Variants in IBTK observed in about 807,000 individuals in gnomAD.
The protein encoded by IBTK is BTK-binding protein.
IBTK carries 83 observed loss-of-function variants against 154.9 expected under a neutral mutation model. The ratio of observed to expected loss-of-function variants is 0.54; its 90% CI spans 0.45 to 0.64. The LOEUF is 0.64. Among genes scored for constraint, IBTK ranks in the 30% least tolerant of loss-of-function variants. The pLI, the probability that IBTK is intolerant of heterozygous loss-of-function variation, is 0.00. For missense variants in IBTK, 1,332 were observed against 1,584.6 expected, an observed-to-expected ratio of 0.84 and a Z score of 2.71; for synonymous variants, 515 against 536.1, an observed-to-expected ratio of 0.96 and a Z score of 0.54.
At chr6:82,247,061 C>CAA (rs759957489) in intron 1 of IBTK, among the ~76,000 whole-genome samples, 1 of 104,664 alleles carries the variant, frequency 9.6e-6, no homozygotes, top group Admixed American at 1.1e-4. Flanking sequence ...TCTCTCTCAA[C>CAA]CCTCCACCCT....
chr6:82,219,016 T>C (rs1353183118), intron 9 of IBTK, among the ~76,000 whole-genome samples: 3 of 152,168 alleles, frequency 2.0e-5, no homozygotes, highest in African/African-American at 7.2e-5. Context: ...TCAATGTAAG[T>C]GATACACATC....
At position 82,171,564 on chromosome 6, in the gene IBTK, G is replaced by A; in HGVS notation, c.3931-8C>T. ...TATGGCATGCTCCTCAATCTGAAAG[G>A]AGGAAGGGAAAGAAGACTCTTTACT... On this transcript the variant is annotated splice_region_variant and splice_polypyrimidine_tract_variant and intron_variant, in intron 28 of 28. Coordinates refer to ENST00000306270, the MANE Select transcript of IBTK (RefSeq NM_015525.4). The A allele has an allele frequency of 1.9e-6, 3 of 1,581,602 alleles. No homozygotes were observed. The highest frequency in any genetic ancestry group is 2.6e-6 in the Non-Finnish European group (3 of 1,161,164).
At chr6:82,237,616 A>ATAG (rs1280178973) in intron 2 of IBTK, among the ~76,000 whole-genome samples, 3 of 149,094 alleles carry the variant, frequency 2.0e-5, no homozygotes, top group African/African-American at 7.4e-5. Context: ...GTACTAGAAG[A>ATAG]TAGTAGTAGT....
chr6:82,245,001 T>G (rs1771091433), intron 1 of IBTK, among the ~76,000 whole-genome samples: 1 of 152,204 alleles, frequency 6.6e-6, no homozygotes, highest in Non-Finnish European at 1.5e-5. Flanking sequence ...TACAGGTTCA[T>G]GGATAATACT....
chr6:82,209,524 G>A (rs1196062387), intron 16 of IBTK, among the ~76,000 whole-genome samples: 1 of 152,148 alleles, frequency 6.6e-6, no homozygotes, highest in Non-Finnish European at 1.5e-5. Flanking sequence ...AATCCATAGA[G>A]ACAGAAAACA....
chr6:82,241,974 T>C (rs475347), intron 1 of IBTK, among the ~76,000 whole-genome samples: 65,904 of 152,086 alleles, frequency 0.43, 14,679 homozygotes, highest in East Asian at 0.74. Context: ...ATCTAACTAG[T>C]TTTCTGATCT....
intron 17 of IBTK, 97 bp downstream of exon 17, chr6:82,204,758 TGG>T (rs1769333569): frequency 1.6e-5 from 9 of 572,952 alleles, no homozygotes; most frequent in Middle Eastern, 3.6e-4. Flanking sequence ...ACCAAAAAAA[TGG>T]TCTATTTTAC....
chr6:82,222,434 TA>T (rs994822496), intron 8 of IBTK, among the ~76,000 whole-genome samples: 1 of 152,176 alleles, frequency 6.6e-6, no homozygotes, highest in Non-Finnish European at 1.5e-5. Context: ...TAAGTACTTG[TA>T]TTTTTTTAAA....
Position 82,218,150 on chromosome 6 carries a change from C to G in IBTK, c.1249-13G>C. On this transcript the variant is annotated splice_polypyrimidine_tract_variant and intron_variant, in intron 9 of 28. Transcript: ENST00000306270. ...TCCAGCAAAACACCTAAAACAAAAC[C>G]AAATCACATTGAAATATAAAGCAAG... 1 of 1,516,554 alleles carries G rather than the reference C, an allele frequency of 6.6e-7. No individual in the cohort carries two copies. Among genetic ancestry groups the G allele is most frequent in the Non-Finnish European group, 8.8e-7 (1 of 1,133,358 alleles). 93.9% of individuals were successfully genotyped at this position (1,516,554 alleles called of 1,614,324 possible).
chr6:82,178,204 T>C (rs1316398359), intron 26 of IBTK, among the ~76,000 whole-genome samples: 2 of 152,214 alleles, frequency 1.3e-5, no homozygotes, highest in South Asian at 2.1e-4. Flanking sequence ...TATGGATATA[T>C]CATACTGTCA....
chr6:82,179,560 G>A (rs775916988), intron 26 of IBTK, among the ~76,000 whole-genome samples: 2 of 152,146 alleles, frequency 1.3e-5, no homozygotes, highest in Non-Finnish European at 2.9e-5. Context: ...ATAAGACGAC[G>A]ACCAGTAATT....
At chr6:82,244,654 A>G (rs1771076999) in intron 1 of IBTK, among the ~76,000 whole-genome samples, 1 of 152,180 alleles carries the variant, frequency 6.6e-6, no homozygotes, top group Admixed American at 6.5e-5. Context: ...TCTTGCTCAC[A>G]TATTTGCCCT....
intron 24 of IBTK, 197 bp downstream of exon 24, chr6:82,191,590 G>A (rs150107527): frequency 7.6e-6 from 5 of 656,028 alleles, no homozygotes; most frequent in Middle Eastern, 3.9e-4. Context: ...TTCTACAAGA[G>A]CTGGATTATC....
chr6:82,211,295 T>G, intron 15 of IBTK, 72 bp downstream of exon 15: 1 of 1,199,766 alleles, frequency 8.3e-7, no homozygotes, highest in East Asian at 2.4e-5. Context: ...TTTGAATTTC[T>G]TTACTACATA....
intron 1 of IBTK, 119 bp from the exon 2 acceptor site, chr6:82,240,962 TCC>T (rs1770924659): frequency 7.6e-6 from 3 of 395,892 alleles, no homozygotes; most frequent in Non-Finnish European, 1.3e-5. Context: ...TGCTTAGTGT[TCC>T]ATTACTGGAA....
intron 7 of IBTK, 112 bp from the exon 8 acceptor site, chr6:82,223,732 G>T: frequency 1.2e-6 from 1 of 848,022 alleles, no homozygotes. Flanking sequence ...GCCAAGGTGG[G>T]CAGATCCCTT....
intron 25 of IBTK, among the ~76,000 whole-genome samples, chr6:82,184,273 T>A (rs763088486): frequency 1.3e-5 from 2 of 152,206 alleles, no homozygotes; most frequent in Non-Finnish European, 2.9e-5. Flanking sequence ...TGTACCTGCA[T>A]AAAAATTAAC....
intron 20 of IBTK, 152 bp downstream of exon 20, chr6:82,200,435 G>C: frequency 1.3e-6 from 1 of 781,364 alleles, no homozygotes; most frequent in East Asian, 2.7e-5. Context: ...AAGAATGAGC[G>C]TAACTACCTA....
In IBTK at chr6:82,246,852, G is replaced by C. The variant is rs563078784; in HGVS notation, c.-358+710C>G. 2.0e-5 allele frequency among the ~76,000 whole-genome samples: 3 copies of C among 152,286 alleles called. No individual in the cohort carries two copies. The East Asian group carries it at 5.8e-4, about 29-fold the overall frequency. On this transcript the variant is annotated intron_variant, in intron 1 of 28. Transcript: ENST00000306270. ...AAAGTCATATCCTTTCAGTATTTCTGATAAATTTCAAATGGCCTACTTCGA... is the reference window on the plus strand; with the variant it reads ...AAAGTCATATCCTTTCAGTATTTCTCATAAATTTCAAATGGCCTACTTCGA...
Sources: allele counts gnomAD v4.1 joint callset (sites outside exome capture counted in the v4.1 genomes callset), GRCh38; gene constraint gnomAD v4.1.1; transcripts MANE v1.5; gene names NCBI Gene and HGNC (gene_info 2026-07-23, HGNC 2026-07-21).